Variants in SLC71A1 observed in about 807,000 individuals in gnomAD.
SLC71A1 encodes the protein solute carrier family 71 member 1.
the SLC71A1 span, among the ~76,000 whole-genome samples, chr1:100,070,918 C>G: frequency 6.6e-6 from 1 of 152,080 alleles, no homozygotes; most frequent in Non-Finnish European, 1.5e-5. Context: ...TCTCATGATT[C>G]ATTCTGTTTT....
chr1:100,045,116 A>T, the SLC71A1 span, among the ~76,000 whole-genome samples: 1 of 152,108 alleles, frequency 6.6e-6, no homozygotes, highest in African/African-American at 2.4e-5. Flanking sequence ...CACAATGTTG[A>T]TTCTTCCCTT....
the SLC71A1 span, among the ~76,000 whole-genome samples, chr1:100,069,875 G>A: frequency 1.9e-3 from 294 of 152,206 alleles, 11 homozygotes; most frequent in Admixed American, 0.018. Flanking sequence ...TTTAATATAG[G>A]ATATATAAAC....
the SLC71A1 span, among the ~76,000 whole-genome samples, chr1:100,081,539 A>AT: frequency 3.3e-5 from 5 of 151,598 alleles, no homozygotes; most frequent in South Asian, 6.2e-4. Context: ...TGACCGGCTA[A>AT]TTTTTTTTGT....
chr1:100,039,486 A>G, the SLC71A1 span, among the ~76,000 whole-genome samples: 1 of 152,240 alleles, frequency 6.6e-6, no homozygotes, highest in Non-Finnish European at 1.5e-5. Context: ...ACTTTGGAAT[A>G]TATTTTTAGT....
the SLC71A1 span, among the ~76,000 whole-genome samples, chr1:100,074,164 G>T: frequency 6.6e-6 from 1 of 152,178 alleles, no homozygotes; most frequent in African/African-American, 2.4e-5. Context: ...CCAAGAGGAG[G>T]TTCTCACAGC....
At chr1:100,060,860 T>G in the SLC71A1 span, among the ~76,000 whole-genome samples, 1 of 152,138 alleles carries the variant, frequency 6.6e-6, no homozygotes, top group Non-Finnish European at 1.5e-5. Flanking sequence ...TTATTCTGAC[T>G]AATGTTCTTT....
the SLC71A1 span, chr1:100,082,354 G>T: frequency 9.2e-6 from 6 of 652,164 alleles, no homozygotes; most frequent in Non-Finnish European, 1.6e-5. Flanking sequence ...GGAACTAAAG[G>T]AAGTGGGAAC....
chr1:100,068,797 A>G, the SLC71A1 span, among the ~76,000 whole-genome samples: 3 of 152,170 alleles, frequency 2.0e-5, no homozygotes, highest in Non-Finnish European at 4.4e-5. Flanking sequence ...AGCCTGGCCA[A>G]CATGGCAAAA....
chr1:100,074,588 A>G, the SLC71A1 span, among the ~76,000 whole-genome samples: 2 of 151,032 alleles, frequency 1.3e-5, no homozygotes, highest in Non-Finnish European at 2.9e-5. Context: ...TCGGGGGGAA[A>G]AAGAAAGGCT....
chr1:100,047,205 G>A, the SLC71A1 span, among the ~76,000 whole-genome samples: 1 of 152,094 alleles, frequency 6.6e-6, no homozygotes, highest in Non-Finnish European at 1.5e-5. Context: ...GTCATATATG[G>A]CTTTTATCAT....
At chr1:100,049,848 A>G in the SLC71A1 span, 1 of 801,094 alleles carries the variant, frequency 1.2e-6, no homozygotes, top group Non-Finnish European at 2.1e-6. Context: ...TGTTATTGTT[A>G]ATAATTATAG....
chr1:100,043,212 A>G, the SLC71A1 span: 2 of 975,680 alleles, frequency 2.0e-6, no homozygotes, highest in Non-Finnish European at 2.4e-6. Flanking sequence ...AAGTAAAAAA[A>G]TGAATAGCTT....
the SLC71A1 span, chr1:100,062,144 T>A: frequency 1.1e-5 from 5 of 468,154 alleles, no homozygotes. Flanking sequence ...ATTCTTTTCA[T>A]TTAGTAGATA....
At chr1:100,052,911 G>T in the SLC71A1 span, among the ~76,000 whole-genome samples, 17 of 152,074 alleles carry the variant, frequency 1.1e-4, no homozygotes, top group Non-Finnish European at 2.2e-4. Context: ...AGCCTCCCGA[G>T]TAGCTGGGAC....
the SLC71A1 span, among the ~76,000 whole-genome samples, chr1:100,075,671 A>G: frequency 8.2e-4 from 125 of 152,266 alleles, no homozygotes; most frequent in East Asian, 0.016. Context: ...AATATTGGCC[A>G]CCAGTTCCCA....
chr1:100,079,569 A>G, the SLC71A1 span: 1 of 152,224 alleles, frequency 6.6e-6, no homozygotes, highest in Non-Finnish European at 1.5e-5. Context: ...GAGAGAAACA[A>G]AAATCAAATG....
chr1:100,046,838 G>GT, the SLC71A1 span, among the ~76,000 whole-genome samples: 1 of 152,180 alleles, frequency 6.6e-6, no homozygotes, highest in African/African-American at 2.4e-5. Flanking sequence ...TGTAGCTATT[G>GT]TAAGTGGGAT....
chr1:100,072,356 G>T, the SLC71A1 span, among the ~76,000 whole-genome samples: 2 of 152,164 alleles, frequency 1.3e-5, no homozygotes, highest in South Asian at 4.1e-4. Context: ...ACCCTAAGTA[G>T]CCCTTTTCTG....
At chr1:100,080,743 T>C in the SLC71A1 span, 1 of 1,167,990 alleles carries the variant, frequency 8.6e-7, no homozygotes. Context: ...AAAGCTTTTA[T>C]GTGAGATTCT....
Sources: allele counts gnomAD v4.1 joint callset (sites outside exome capture counted in the v4.1 genomes callset), GRCh38; gene constraint gnomAD v4.1.1; transcripts MANE v1.5; gene names NCBI Gene and HGNC (gene_info 2026-07-23, HGNC 2026-07-21).